Variants in TPST1 observed in about 807,000 individuals in gnomAD.
TPST1 encodes the protein tyrosylprotein sulfotransferase 1.
A neutral mutation model predicts 34.8 loss-of-function variants in TPST1; 20 were observed. That is an observed-to-expected ratio of 0.57 (90% CI 0.40 to 0.84). The LOEUF (loss-of-function observed/expected upper bound fraction) is 0.84. TPST1 is among the 40% of genes least tolerant of loss of function. The pLI, the probability that TPST1 is intolerant of heterozygous loss-of-function variation, is 0.00. For synonymous variants in TPST1, 152 were observed against 159.4 expected (o/e 0.95, Z 0.35); for missense variants, 353 against 455.5 (o/e 0.78, Z 2.05).
At chr7:66,349,233 C>T (rs912682407) in intron 3 of TPST1, among the ~76,000 whole-genome samples, 2 of 152,112 alleles carry the variant, frequency 1.3e-5, no homozygotes, top group African/African-American at 4.8e-5. Context: ...AAGAGGCTAG[C>T]TCAAAGAGGA....
intron 3 of TPST1, among the ~76,000 whole-genome samples, chr7:66,316,907 CTG>C (rs936314578): frequency 6.6e-6 from 1 of 152,084 alleles, no homozygotes; most frequent in African/African-American, 2.4e-5. Context: ...GAACAAGACA[CTG>C]GGGTGTACTG....
intron 1 of TPST1, among the ~76,000 whole-genome samples, chr7:66,215,520 G>A (rs1342982151): frequency 6.6e-6 from 1 of 150,812 alleles, no homozygotes; most frequent in African/African-American, 2.4e-5. Flanking sequence ...GACTACAGGT[G>A]CCTGCCACCA....
At chr7:66,249,746 A>G (rs1188679949) in intron 2 of TPST1, among the ~76,000 whole-genome samples, 1 of 152,234 alleles carries the variant, frequency 6.6e-6, no homozygotes, top group Non-Finnish European at 1.5e-5. Context: ...AAATAATTGT[A>G]GCTACAATTA....
rs1379567180 is a variant in TPST1, at chr7:66,345,262, C to T, written c.1045-7243C>T. 2.7e-5 allele frequency among the ~76,000 whole-genome samples: 4 copies of T among 150,812 alleles called. No homozygotes were observed. In the East Asian group the frequency reaches 5.9e-4, roughly 22 times the overall value. The stretch of plus-strand genomic sequence containing the variant: ...CTGTAATCCCAGCATTTTGGGAGGC[C>T]GAGGTGGGCAGATCACTTGAGGTCA... On this transcript the variant is annotated intron_variant, in intron 3 of 5. Coordinates refer to ENST00000304842, the MANE Select transcript of TPST1 (RefSeq NM_003596.4).
At chr7:66,222,838 A>G (rs557192049) in intron 1 of TPST1, among the ~76,000 whole-genome samples, 1 of 152,294 alleles carries the variant, frequency 6.6e-6, no homozygotes, top group African/African-American at 2.4e-5. Context: ...ACATGTTTCC[A>G]TGTGATTGCC....
chr7:66,203,925 C>G (rs1350837152), upstream of TPST1, among the ~76,000 whole-genome samples: 2 of 152,006 alleles, frequency 1.3e-5, no homozygotes, highest in African/African-American at 4.8e-5. Context: ...GCCTGTAATC[C>G]CAGCACTTTG....
At chr7:66,277,926 C>T (rs1215264103) in intron 2 of TPST1, among the ~76,000 whole-genome samples, 1 of 151,700 alleles carries the variant, frequency 6.6e-6, no homozygotes, top group East Asian at 1.9e-4. Context: ...ATGGCGAAAC[C>T]CTGTCTCTAC....
At chr7:66,337,605 G>A (rs538180803) in intron 3 of TPST1, among the ~76,000 whole-genome samples, 13 of 152,060 alleles carry the variant, frequency 8.5e-5, no homozygotes, top group African/African-American at 3.1e-4. Context: ...CACCATGTCC[G>A]GCCGACAAAA....
rs1188520775 is a variant in TPST1 at position 66,332,569 on chromosome 7, G to A, written c.1045-19936G>A. 1.3e-5 allele frequency among the ~76,000 whole-genome samples: 2 copies of A among 152,156 alleles called. No homozygotes were observed. ...ATTACAGGCATGAGCCAACATGCCTGGCCTGTTTACATCTTAATTATGAAT... is the reference window on the plus strand; with the variant it reads ...ATTACAGGCATGAGCCAACATGCCTAGCCTGTTTACATCTTAATTATGAAT... On this transcript the variant is annotated intron_variant, in intron 3 of 5. Coordinates refer to ENST00000304842, the MANE Select transcript of TPST1 (RefSeq NM_003596.4). This position sits in a 1 kb window ranked among gnomAD's most constrained non-coding sequence, Gnocchi z 4.5.
intron 3 of TPST1, among the ~76,000 whole-genome samples, chr7:66,303,280 A>G (rs994473438): frequency 6.6e-6 from 1 of 151,602 alleles, no homozygotes; most frequent in Non-Finnish European, 1.5e-5. Flanking sequence ...AAAAAAGACT[A>G]TGCATCCCTT....
intron 3 of TPST1, among the ~76,000 whole-genome samples, chr7:66,304,834 T>C (rs1413202944): frequency 6.7e-6 from 1 of 149,244 alleles, no homozygotes. Context: ...TTTTTTTTTT[T>C]CTTGGCAAGG....
chr7:66,356,867 A>T lies in TPST1; in HGVS notation c.*25A>T. The T allele has an allele frequency of 1.2e-6, 2 of 1,614,012 alleles. No individual in the cohort carries two copies. The highest frequency in any genetic ancestry group is 1.7e-6 in the Non-Finnish European group (2 of 1,179,946). ...GCAGAACCAGGAGCCTCTTCCATACATGAGGTGAGGGTTGGGGGACATTGC... is the reference window on the plus strand; with the variant it reads ...GCAGAACCAGGAGCCTCTTCCATACTTGAGGTGAGGGTTGGGGGACATTGC... On this transcript the variant is annotated 3_prime_UTR_variant, in exon 5 of 6. Coordinates refer to ENST00000304842, the MANE Select transcript of TPST1 (RefSeq NM_003596.4).
Position 66,333,937 on chromosome 7 carries a change from C to T in TPST1, c.1045-18568C>T, listed in dbSNP as rs10260180. On this transcript the variant is annotated intron_variant, in intron 3 of 5. Coordinates refer to ENST00000304842, the MANE Select transcript of TPST1 (RefSeq NM_003596.4). ...TTTGTCACTATCAAAACATAATATA[C>T]GAATATGGAAAGCTAATATAAAAAT... Among the ~76,000 whole-genome samples, 1,234 of 152,076 alleles carry T rather than the reference C, an allele frequency of 8.1e-3. 17 individuals carry two copies. Among genetic ancestry groups the T allele is most frequent in the African/African-American group, 0.028 (1,182 of 41,488 alleles).
chr7:66,323,119 A>C (rs1791791092), intron 3 of TPST1, among the ~76,000 whole-genome samples: 1 of 152,078 alleles, frequency 6.6e-6, no homozygotes, highest in Non-Finnish European at 1.5e-5. Flanking sequence ...TTTTGCTGTG[A>C]ATTGTAGAAG....
intron 2 of TPST1, among the ~76,000 whole-genome samples, chr7:66,258,396 A>G (rs542652063): frequency 2.6e-5 from 4 of 152,254 alleles, no homozygotes; most frequent in Non-Finnish European, 5.9e-5. Flanking sequence ...AGACTGTGCT[A>G]TGCTACTTTG....
rs201934708 is a variant in TPST1 at position 66,307,467 on chromosome 7, A to G, written c.1044+20758A>G. Among the ~76,000 whole-genome samples, 8 of 152,316 alleles carry G rather than the reference A, an allele frequency of 5.3e-5. No homozygotes were observed. The East Asian group carries it at 1.4e-3, about 26-fold the overall frequency. Reference sequence around the variant, plus strand: ...TACTTGACCAGAAGCAGTACTGTTTAGAATGCCATTATGGTGAATAAGATA... The same window carrying G: ...TACTTGACCAGAAGCAGTACTGTTTGGAATGCCATTATGGTGAATAAGATA... On this transcript the variant is annotated intron_variant, in intron 3 of 5. Coordinates refer to ENST00000304842, the MANE Select transcript of TPST1 (RefSeq NM_003596.4).
chr7:66,205,578 C>G lies in TPST1; in HGVS notation c.-102+56C>G, dbSNP rs531152586. ...CGCTCCCCTCTCGTCTCCTCACACC[C>G]GGCCCTGTGCCCCGTCCTGGCATCC... On this transcript the variant is annotated intron_variant, in intron 1 of 5. Transcript: ENST00000304842. The surrounding 1 kb of genome is among the most constrained non-coding windows in gnomAD (Gnocchi z 5.0). 2 of 152,736 alleles carry G rather than the reference C, an allele frequency of 1.3e-5. No homozygotes were observed. The highest frequency in any genetic ancestry group is 4.1e-4 in the South Asian group (2 of 4,846). The allele number at this position is 152,736 out of a possible 1,614,324, so 9.5% of individuals were successfully genotyped here. A position where few individuals can be genotyped will look rare whatever the true frequency, so the allele number is the denominator to read the frequency against.
chr7:66,263,997 G>A (rs1387316898), intron 2 of TPST1, among the ~76,000 whole-genome samples: 2 of 152,152 alleles, frequency 1.3e-5, no homozygotes, highest in Non-Finnish European at 2.9e-5. Flanking sequence ...CCATGTGTCA[G>A]CTGGGGCTGA....
chr7:66,227,391 G>A (rs915939291), intron 1 of TPST1, among the ~76,000 whole-genome samples: 1 of 151,976 alleles, frequency 6.6e-6, no homozygotes, highest in African/African-American at 2.4e-5. Flanking sequence ...CAGAGGAATG[G>A]CACAATCTTT....
Sources: allele counts gnomAD v4.1 joint callset (sites outside exome capture counted in the v4.1 genomes callset), GRCh38; gene constraint gnomAD v4.1.1; non-coding constraint Gnocchi (gnomAD v3.1); transcripts MANE v1.5; gene names NCBI Gene and HGNC (gene_info 2026-07-23, HGNC 2026-07-21).